The following FARP2 variants were observed in gnomAD, a reference collection of about 807,000 sequenced individuals.
FARP2 encodes FERM, ARHGEF and pleckstrin domain-containing protein 2.
Under a neutral mutation model 130.5 loss-of-function variants are expected in FARP2, and 111 were observed. The observed-to-expected ratio is 0.85, with a 90% CI of 0.73 to 1.00. FARP2 has a LOEUF of 1.00. Among genes scored for constraint, FARP2 ranks in the 50% least tolerant of loss-of-function variants. The probability of loss-of-function intolerance (pLI) is 0.00; values close to 1 mark genes in which losing one functional copy is unlikely to be tolerated. For missense variants in FARP2, 1,385 were observed against 1,346.3 expected (o/e 1.03, Z -0.45); for synonymous variants, 504 against 516.9 (o/e 0.98, Z 0.34).
At chr2:241,375,893 G>T (rs897753937) in intron 2 of FARP2, among the ~76,000 whole-genome samples, 2 of 152,156 alleles carry the variant, frequency 1.3e-5, no homozygotes, top group Admixed American at 1.3e-4. Flanking sequence ...GTGCCAGCTT[G>T]GGGTATTTTT....
intron 13 of FARP2, among the ~76,000 whole-genome samples, chr2:241,448,844 G>A (rs528381124): frequency 2.6e-5 from 4 of 152,368 alleles, no homozygotes; most frequent in Non-Finnish European, 5.9e-5. Context: ...CCAAGGCTTC[G>A]TGTGTCAGCT....
chr2:241,451,091 T>G (rs1239647734), intron 13 of FARP2, among the ~76,000 whole-genome samples: 1 of 152,200 alleles, frequency 6.6e-6, no homozygotes, highest in Non-Finnish European at 1.5e-5. Flanking sequence ...TAGCTGGGAC[T>G]ACAGGCAAGC....
rs570002637 is a variant in FARP2 at position 241,373,002 on chromosome 2, C to G, written c.-24-82C>G. On this transcript the variant is annotated intron_variant, in intron 1 of 26. Transcript: ENST00000264042. ...AATAGTACAGAGGATTCCCGTGTCTCCGATAATTTGTCTTTTACCTTGTTT... is the reference window on the plus strand; with the variant it reads ...AATAGTACAGAGGATTCCCGTGTCTGCGATAATTTGTCTTTTACCTTGTTT... The G allele has an allele frequency of 1.9e-5, 13 of 667,914 alleles. 1 individual carries two copies. The South Asian group carries it at 6.2e-4, about 32-fold the overall frequency. The allele number at this position is 667,914 out of a possible 1,614,324, so 41.4% of individuals were successfully genotyped here. A position where few individuals can be genotyped will look rare whatever the true frequency, so the allele number is the denominator to read the frequency against.
intron 6 of FARP2, among the ~76,000 whole-genome samples, chr2:241,411,556 G>A (rs1226274336): frequency 6.6e-6 from 1 of 152,220 alleles, no homozygotes; most frequent in Non-Finnish European, 1.5e-5. Context: ...CATTTCTTCA[G>A]TATCTCACAC....
At chr2:241,423,350 C>T (rs1218112632) in intron 8 of FARP2, among the ~76,000 whole-genome samples, 1 of 152,184 alleles carries the variant, frequency 6.6e-6, no homozygotes, top group East Asian at 1.9e-4. Context: ...AATTTCATAT[C>T]TGGCCAAACT....
At chr2:241,417,416 C>T (rs1039615666) in intron 7 of FARP2, among the ~76,000 whole-genome samples, 3 of 152,072 alleles carry the variant, frequency 2.0e-5, no homozygotes, top group African/African-American at 7.2e-5. Context: ...GATGGAGTCT[C>T]GCTCTGTCAC....
chr2:241,487,746 C>CTTTTTTTTTTTTTTTTT (rs1167750549), intron 21 of FARP2, among the ~76,000 whole-genome samples: 1 of 73,232 alleles, frequency 1.4e-5, no homozygotes. Context: ...CTAGCCTACT[C>CTTTTTTTTTTTTTTTTT]TTTTTTTTTT....
Position 241,459,708 on chromosome 2 carries a change from C to T in FARP2, c.1587+2786C>T, listed in dbSNP as rs186270708. Among the ~76,000 whole-genome samples the T allele has an allele frequency of 2.6e-5, 4 of 152,214 alleles. No homozygotes were observed. In the East Asian group the frequency reaches 7.8e-4, roughly 29 times the overall value. On this transcript the variant is annotated intron_variant, in intron 14 of 26. Transcript: ENST00000264042. This position sits in a 1 kb window ranked among gnomAD's most constrained non-coding sequence, Gnocchi z 5.3. ...GCCGTCTCATCCCTGGCCTGCAGCC[C>T]AGCTTGCTGGGGGTCAGGTTTGACA...
chr2:241,406,031 C>T (rs560830634), intron 4 of FARP2, among the ~76,000 whole-genome samples: 13 of 151,584 alleles, frequency 8.6e-5, no homozygotes, highest in East Asian at 2.0e-4. Context: ...GGGCCGGGCA[C>T]GGTGGCTCAC....
chr2:241,463,582 C>A, intron 16 of FARP2, 114 bp downstream of exon 16: 1 of 1,273,080 alleles, frequency 7.9e-7, no homozygotes, highest in Non-Finnish European at 1.1e-6. Flanking sequence ...TTCACTGGAG[C>A]ATATTTTTAG....
intron 2 of FARP2, among the ~76,000 whole-genome samples, chr2:241,394,646 A>G (rs2061987744): frequency 6.6e-6 from 1 of 152,224 alleles, no homozygotes; most frequent in African/African-American, 2.4e-5. Flanking sequence ...AACCTGTGGA[A>G]AATTACTTTG....
Position 241,468,228 on chromosome 2 carries a change from A to G in FARP2, c.1982A>G (p.Tyr661Cys). The G allele has an allele frequency of 1.9e-6, 3 of 1,614,130 alleles. No homozygotes were observed. Among genetic ancestry groups the G allele is most frequent in the East Asian group, 2.2e-5 (1 of 44,890 alleles). Residue 661 changes from tyrosine to cysteine, a missense_variant, in exon 18 of 27, where the codon TAC (tyrosine) becomes TGC (cysteine). Physicochemically the swap from Tyr to Cys is radical, Grantham distance 194 (BLOSUM62 -2). Transcript: ENST00000264042. ...CGCTGTAAGAAGTTGGAGGCAGTGT[A>G]CAAGGAGTTTGAGCTGCAGAAGGTC... ...TKRCKKLEAV[Y>C]KEFELQKVCY...
At chr2:241,416,281 G>A (rs891806366) in intron 7 of FARP2, among the ~76,000 whole-genome samples, 1 of 152,140 alleles carries the variant, frequency 6.6e-6, no homozygotes, top group African/African-American at 2.4e-5. Context: ...GCCGGTACGA[G>A]AAGGGTGAGC....
chr2:241,382,325 C>G (rs1205810731), intron 2 of FARP2, among the ~76,000 whole-genome samples: 1 of 129,026 alleles, frequency 7.8e-6, no homozygotes, highest in Non-Finnish European at 1.6e-5. Context: ...GGCAGGGTCT[C>G]ATTCTGTTGC....
At chr2:241,466,333 G>A (rs988996605) in intron 17 of FARP2, 16 of 985,318 alleles carry the variant, frequency 1.6e-5, no homozygotes, top group Admixed American at 6.1e-5. Context: ...CCACCCCTCA[G>A]CGACACTATA....
chr2:241,386,498 A>C (rs2061786674), intron 2 of FARP2, among the ~76,000 whole-genome samples: 1 of 152,204 alleles, frequency 6.6e-6, no homozygotes, highest in Non-Finnish European at 1.5e-5. Context: ...TCCTTAAGAC[A>C]GTATATTTAA....
intron 17 of FARP2, among the ~76,000 whole-genome samples, chr2:241,466,810 C>T (rs1046082668): frequency 6.6e-6 from 1 of 152,044 alleles, no homozygotes; most frequent in Non-Finnish European, 1.5e-5. Flanking sequence ...TATTTTTAAC[C>T]CCTAAATATG....
In FARP2 at chr2:241,434,227, TG is replaced by T. The variant is rs1363366326; in HGVS notation, c.938del (p.Cys313LeufsTer39). ...TGAATGTAAGAACTTCTGGAAGATT[TG>T]TGTGGAGTATCACACCTTTTTTAGA... ...RDECKNFWKI[C>X]VEYHTFFRLL... On this transcript the variant is annotated frameshift_variant, in exon 10 of 27. Transcript: ENST00000264042. LOFTEE classifies it high-confidence loss of function. 1 of 1,613,980 alleles carries T rather than the reference TG, an allele frequency of 6.2e-7. No individual in the cohort carries two copies. Among genetic ancestry groups the T allele is most frequent in the Admixed American group, 1.7e-5 (1 of 60,006 alleles).
intron 15 of FARP2, among the ~76,000 whole-genome samples, chr2:241,462,984 G>T (rs571834840): frequency 1.3e-5 from 2 of 152,100 alleles, no homozygotes; most frequent in Admixed American, 1.3e-4. Flanking sequence ...ATGAGCCACC[G>T]CCCAGCCAAG....
Sources: gnomAD v4.1 joint callset for allele counts (sites outside exome capture counted in the v4.1 genomes callset) on GRCh38, gnomAD v4.1.1 for gene constraint, Gnocchi (gnomAD v3.1) non-coding constraint, MANE v1.5 for transcripts, NCBI Gene and HGNC (gene_info 2026-07-23, HGNC 2026-07-21) for gene names.